ANO2: variants seen among roughly 807,000 people sequenced by gnomAD.
The protein encoded by ANO2 is anoctamin-2.
A neutral mutation model predicts 124.2 loss-of-function variants in ANO2; 101 were observed. The observed-to-expected ratio is 0.81, with a 90% CI of 0.69 to 0.96. The LOEUF is 0.96. Ranked by LOEUF, ANO2 falls within the 40% of genes least tolerant of loss-of-function variation. The pLI is 0.00. For synonymous variants in ANO2, 486 were observed against 482.5 expected, an observed-to-expected ratio of 1.01 and a Z score of -0.09; for missense variants, 1,293 against 1,274.5, an observed-to-expected ratio of 1.01 and a Z score of -0.22.
Position 5,862,231 on chromosome 12 carries a change from G to T in ANO2, c.535-8090C>A, listed in dbSNP as rs965003982. 1.3e-5 allele frequency among the ~76,000 whole-genome samples: 2 copies of T among 152,164 alleles called. No individual in the cohort carries two copies. Among genetic ancestry groups the T allele is most frequent in the Non-Finnish European group, 2.9e-5 (2 of 68,032 alleles). ...AACCCTGTCCTGCATAGGCCAAGGT[G>T]AAGGTGGCCAATAATCAGCAGAGGC... On this transcript the variant is annotated intron_variant, in intron 3 of 24. Coordinates refer to ENST00000682330, the MANE Select transcript of ANO2 (RefSeq NM_001364791.2). This position sits in a 1 kb window ranked among gnomAD's most constrained non-coding sequence, Gnocchi z 4.0.
chr12:5,875,220 C>T (rs1362618957), intron 3 of ANO2, among the ~76,000 whole-genome samples: 1 of 152,172 alleles, frequency 6.6e-6, no homozygotes, highest in Non-Finnish European at 1.5e-5. Context: ...CCTCTTAATG[C>T]CCTGATCTGA....
At chr12:5,584,008 T>C (rs1358354918) in intron 20 of ANO2, 1 of 241,812 alleles carries the variant, frequency 4.1e-6, no homozygotes, top group Non-Finnish European at 9.2e-6. Context: ...TTCCTTCGAA[T>C]TTGCTCCAAG....
At position 5,927,241 on chromosome 12, in the gene ANO2, A is replaced by G. The variant is rs1942121591; in HGVS notation, c.23-4437T>C. 2.0e-5 allele frequency among the ~76,000 whole-genome samples: 3 copies of G among 152,116 alleles called. No homozygotes were observed. In the South Asian group the frequency reaches 6.2e-4, roughly 32 times the overall value. The stretch of plus-strand genomic sequence containing the variant: ...GTTTACTCATCAGGGATGACCACAC[A>G]TTTTTTAATCCTTTCGGTACAGTCT... On this transcript the variant is annotated intron_variant, in intron 1 of 24. Coordinates refer to ENST00000682330, the MANE Select transcript of ANO2 (RefSeq NM_001364791.2).
upstream of ANO2, chr12:5,945,328 C>T (rs917229809): frequency 1.0e-6 from 1 of 1,000,546 alleles, no homozygotes; most frequent in South Asian, 2.7e-5. Flanking sequence ...GCCCGCCCCT[C>T]GCCGGCTGCC....
intron 19 of ANO2, among the ~76,000 whole-genome samples, chr12:5,606,408 T>C (rs993309668): frequency 6.6e-6 from 1 of 152,214 alleles, no homozygotes; most frequent in Admixed American, 6.5e-5. Context: ...TGCACTCTCA[T>C]TTTTTACAAA....
chr12:5,842,767 C>T (rs1954556441), intron 4 of ANO2, among the ~76,000 whole-genome samples: 2 of 152,200 alleles, frequency 1.3e-5, no homozygotes, highest in African/African-American at 2.4e-5. Flanking sequence ...AAGGCCTCCA[C>T]GTAGTCAACC....
At chr12:5,727,827 G>C (rs1484868141) in intron 14 of ANO2, among the ~76,000 whole-genome samples, 2 of 142,608 alleles carry the variant, frequency 1.4e-5, no homozygotes, top group African/African-American at 2.6e-5. Flanking sequence ...TTTTTTTCGA[G>C]ACAGAGTCTT....
At chr12:5,600,788 C>T (rs181088841) in intron 19 of ANO2, among the ~76,000 whole-genome samples, 9 of 152,214 alleles carry the variant, frequency 5.9e-5, no homozygotes, top group African/African-American at 7.2e-5. Context: ...AGTGTTTAAA[C>T]GGGATTTTGA....
At chr12:5,936,852 C>G (rs550104189) in intron 1 of ANO2, among the ~76,000 whole-genome samples, 181 of 152,298 alleles carry the variant, frequency 1.2e-3, no homozygotes, top group African/African-American at 4.2e-3. Flanking sequence ...ACATGACTCT[C>G]TAGTTGAATT....
chr12:5,767,138 C>T (rs1951917873), intron 10 of ANO2, among the ~76,000 whole-genome samples: 1 of 152,218 alleles, frequency 6.6e-6, no homozygotes, highest in African/African-American at 2.4e-5. Flanking sequence ...ACTGGCCCTG[C>T]CCCTTCCTCC....
intron 1 of ANO2, among the ~76,000 whole-genome samples, chr12:5,939,295 C>T (rs1189576103): frequency 6.6e-6 from 1 of 150,580 alleles, no homozygotes; most frequent in Non-Finnish European, 1.5e-5. Flanking sequence ...AATTCTAAAC[C>T]ACAAAGCACA....
At chr12:5,602,023 C>T (rs547692938) in intron 19 of ANO2, among the ~76,000 whole-genome samples, 4 of 152,256 alleles carry the variant, frequency 2.6e-5, no homozygotes, top group South Asian at 2.1e-4. Flanking sequence ...GAACAGTAGA[C>T]GCCAATGGCT....
intron 1 of ANO2, among the ~76,000 whole-genome samples, chr12:5,936,967 A>AG (rs1942677222): frequency 6.6e-6 from 1 of 152,234 alleles, no homozygotes; most frequent in South Asian, 2.1e-4. Context: ...ATAAAGTGAC[A>AG]GGCACTTAGG....
chr12:5,738,000 G>A (rs1950944334), intron 13 of ANO2, among the ~76,000 whole-genome samples: 1 of 152,184 alleles, frequency 6.6e-6, no homozygotes, highest in South Asian at 2.1e-4. Flanking sequence ...CCAATATATG[G>A]TAATGCAGTG....
At chr12:5,802,008 C>T (rs1373895167) in intron 9 of ANO2, among the ~76,000 whole-genome samples, 1 of 152,202 alleles carries the variant, frequency 6.6e-6, no homozygotes, top group African/African-American at 2.4e-5. Flanking sequence ...AGCTATGGGA[C>T]GTCACTGTCT....
At position 5,921,197 on chromosome 12, in the gene ANO2, A is replaced by G; in HGVS notation, c.377T>C (p.Val126Ala). The G allele has an allele frequency of 4.3e-6, 7 of 1,613,862 alleles. No homozygotes were observed. The highest frequency in any genetic ancestry group is 5.9e-6 in the Non-Finnish European group (7 of 1,179,848). Residue 126 changes from valine to alanine, a missense_variant, in exon 3 of 25, where the codon GTC (valine) becomes GCC (alanine). By Grantham distance (64) the Val-to-Ala change is moderately conservative. Transcript: ENST00000682330. ...QGFPGHSLAI[V>A]SNGETGKEPH... ...CTCCTTGCCTGTCTCCCCATTGGAG[A>G]CGATAGCCAGCGAGTGGCCAGGGAA...
chr12:5,891,051 G>A (rs1939355056), intron 3 of ANO2, among the ~76,000 whole-genome samples: 1 of 152,130 alleles, frequency 6.6e-6, no homozygotes, highest in African/African-American at 2.4e-5. Flanking sequence ...TTACAATCCT[G>A]ATAGACTGTG....
chr12:5,621,269 C>T (rs1384029242), intron 16 of ANO2, among the ~76,000 whole-genome samples: 1 of 152,100 alleles, frequency 6.6e-6, no homozygotes, highest in Non-Finnish European at 1.5e-5. Context: ...CTACTATGAA[C>T]ATGCATTGAA....
At chr12:5,927,561 C>T (rs942252662) in intron 1 of ANO2, among the ~76,000 whole-genome samples, 4 of 152,260 alleles carry the variant, frequency 2.6e-5, no homozygotes, top group African/African-American at 9.6e-5. Context: ...GTATTCCACC[C>T]TCCACTGTCC....
Sources: gnomAD v4.1 joint callset for allele counts (sites outside exome capture counted in the v4.1 genomes callset) on GRCh38, gnomAD v4.1.1 for gene constraint, Gnocchi (gnomAD v3.1) non-coding constraint, MANE v1.5 for transcripts, NCBI Gene and HGNC (gene_info 2026-07-23, HGNC 2026-07-21) for gene names.